Variants in METTL6 observed in about 807,000 individuals in gnomAD.
METTL6 encodes methyltransferase 6, tRNA N3-cytidine.
In METTL6, 22 loss-of-function variants were observed where a neutral mutation model predicts 26.4. The ratio of observed to expected loss-of-function variants is 0.83; its 90% CI spans 0.59 to 1.19. METTL6 has a LOEUF of 1.19. METTL6 is among the 50% of genes most tolerant of loss of function. METTL6 has a pLI of 0.00. For missense variants in METTL6, 304 were observed against 324.8 expected (o/e 0.94, Z 0.49); for synonymous variants, 109 against 116.2 (o/e 0.94, Z 0.40).
At position 15,394,224 on chromosome 3, in the gene METTL6, G is replaced by C. The variant is rs77710410; in HGVS notation, c.*12-10037C>G. Among the ~76,000 whole-genome samples, 7 of 152,260 alleles carry C rather than the reference G, an allele frequency of 4.6e-5. 1 individual carries two copies. In the South Asian group the frequency reaches 1.5e-3, roughly 32 times the overall value. Reference sequence around the variant, plus strand: ...TTCAACTTCTTCCTGGTTTAGTCTTGGGAGAGTGTATGTGTCAAGGAATTT... The same window carrying C: ...TTCAACTTCTTCCTGGTTTAGTCTTCGGAGAGTGTATGTGTCAAGGAATTT... On this transcript the variant is annotated intron_variant, in intron 6 of 6. Coordinates refer to the METTL6 transcript ENST00000443029.
Position 15,423,670 on chromosome 3 carries a change from C to T in METTL6, c.360+1285G>A, listed in dbSNP as rs113907558. Among the ~76,000 whole-genome samples, 269 of 151,774 alleles carry T rather than the reference C, an allele frequency of 1.8e-3. 3 individuals are homozygous for T. In the East Asian group the frequency reaches 0.035, roughly 19 times the overall value. On this transcript the variant is annotated intron_variant, in intron 3 of 5. Coordinates refer to ENST00000383790, the MANE Select transcript of METTL6 (RefSeq NM_152396.4). ...GGAGGATTGTTTGAGCCCAGAAGTT[C>T]GAGACCAGCCTGGGCAACGCAGTGA...
chr3:15,382,028 T>G (rs1220152951), exon 7 of METTL6: 1 of 151,650 alleles, frequency 6.6e-6, no homozygotes, highest in Non-Finnish European at 1.5e-5. Flanking sequence ...TGGGAATCCC[T>G]GGAACTAACA....
At chr3:15,411,907 C>T (rs1228786842) in intron 5 of METTL6, among the ~76,000 whole-genome samples, 1 of 151,986 alleles carries the variant, frequency 6.6e-6, no homozygotes, top group Non-Finnish European at 1.5e-5. Flanking sequence ...GGACTACAGG[C>T]ACACACTACC....
chr3:15,398,826 CAGCG>C (rs2124925085), intron 6 of METTL6, among the ~76,000 whole-genome samples: 1 of 152,268 alleles, frequency 6.6e-6, no homozygotes, highest in South Asian at 2.1e-4. Context: ...GTTTGAACCA[CAGCG>C]ACTCCATCTT....
chr3:15,420,092 C>T (rs2061577989), intron 3 of METTL6, among the ~76,000 whole-genome samples: 1 of 152,092 alleles, frequency 6.6e-6, no homozygotes, highest in Non-Finnish European at 1.5e-5. Flanking sequence ...GATCTCCTGA[C>T]CTCGTGATCT....
chr3:15,416,872 A>T (rs1700229251), intron 3 of METTL6, among the ~76,000 whole-genome samples: 1 of 152,222 alleles, frequency 6.6e-6, no homozygotes, highest in Non-Finnish European at 1.5e-5. Context: ...AATTAAAAAG[A>T]TGTCAATTCT....
At chr3:15,401,319 G>C (rs1232647119) in intron 6 of METTL6, among the ~76,000 whole-genome samples, 3 of 151,726 alleles carry the variant, frequency 2.0e-5, no homozygotes, top group South Asian at 2.1e-4. Context: ...GATTACAGGC[G>C]TGAGCCACCG....
chr3:15,427,164 G>A (rs183311029), intron 1 of METTL6, among the ~76,000 whole-genome samples: 1 of 152,328 alleles, frequency 6.6e-6, no homozygotes, highest in Non-Finnish European at 1.5e-5. Context: ...TGCAGGGACT[G>A]AGACCCTCGC....
chr3:15,418,588 T>C (rs115426581), intron 3 of METTL6, among the ~76,000 whole-genome samples: 4,171 of 151,896 alleles, frequency 0.027, 171 homozygotes, highest in African/African-American at 0.094. Context: ...ATAACTGGAA[T>C]CCCAGAGGGA....
intron 2 of METTL6, 21 bp downstream of exon 2, chr3:15,426,266 T>C (rs550401900): frequency 6.2e-7 from 1 of 1,606,160 alleles, no homozygotes; most frequent in Non-Finnish European, 8.5e-7. Flanking sequence ...ACAGCTCAGA[T>C]AAGGCGTAAT....
chr3:15,413,562 ACT>A, intron 5 of METTL6: 2 of 992,860 alleles, frequency 2.0e-6, no homozygotes, highest in South Asian at 2.0e-5. Flanking sequence ...ACAGAATTAG[ACT>A]CTGTCTCAAA....
At chr3:15,388,274 C>A (rs1699251776) in intron 6 of METTL6, among the ~76,000 whole-genome samples, 2 of 152,122 alleles carry the variant, frequency 1.3e-5, no homozygotes, top group Admixed American at 6.5e-5. Context: ...CCATGCCCAG[C>A]AAATTTTTGT....
intron 6 of METTL6, chr3:15,384,625 G>C (rs1318908910): frequency 6.5e-6 from 1 of 153,084 alleles, no homozygotes; most frequent in Non-Finnish European, 1.5e-5. Flanking sequence ...TGTAGCCTCA[G>C]CTACTCGGGA....
downstream of METTL6, among the ~76,000 whole-genome samples, chr3:15,409,459 A>T (rs561440508): frequency 1.6e-4 from 25 of 152,322 alleles, no homozygotes; most frequent in African/African-American, 4.8e-4. Flanking sequence ...AGACCAATTT[A>T]GGGATTTCCC....
chr3:15,421,265 T>C (rs538201845), intron 3 of METTL6, among the ~76,000 whole-genome samples: 5 of 152,326 alleles, frequency 3.3e-5, no homozygotes, highest in African/African-American at 2.4e-5. Flanking sequence ...AATTAGTAAA[T>C]ATCCATAATG....
chr3:15,411,796 A>ACT, intron 5 of METTL6, among the ~76,000 whole-genome samples: 1 of 150,904 alleles, frequency 6.6e-6, no homozygotes, highest in South Asian at 2.1e-4. Flanking sequence ...ACACAATGTC[A>ACT]CTCTGTCACC....
At chr3:15,416,999 G>A (rs1416148558) in intron 3 of METTL6, among the ~76,000 whole-genome samples, 8 of 152,166 alleles carry the variant, frequency 5.3e-5, no homozygotes, top group African/African-American at 1.9e-4. Flanking sequence ...GAATAGCCAA[G>A]TCAATTTTTA....
At chr3:15,387,816 A>AT (rs35113760) in intron 6 of METTL6, among the ~76,000 whole-genome samples, 47,232 of 146,516 alleles carry the variant, frequency 0.32, 7,388 homozygotes, top group Non-Finnish European at 0.33. Flanking sequence ...TGAAAAAAAG[A>AT]TTTTTTTTTT....
intron 5 of METTL6, among the ~76,000 whole-genome samples, chr3:15,413,034 C>G (rs1465817739): frequency 6.6e-6 from 1 of 152,074 alleles, no homozygotes; most frequent in Non-Finnish European, 1.5e-5. Flanking sequence ...CACTTGAGAC[C>G]AGGAGATTGA....
Sources: allele counts gnomAD v4.1 joint callset (sites outside exome capture counted in the v4.1 genomes callset), GRCh38; gene constraint gnomAD v4.1.1; transcripts MANE v1.5; gene names NCBI Gene and HGNC (gene_info 2026-07-23, HGNC 2026-07-21).